Variants in TMEM232 observed in about 807,000 individuals in gnomAD.
TMEM232 encodes transmembrane protein 232.
TMEM232 carries 80 observed loss-of-function variants against 78.8 expected under a neutral mutation model. The observed-to-expected ratio is 1.01, with a 90% CI of 0.85 to 1.22. The LOEUF (loss-of-function observed/expected upper bound fraction) is 1.22, where lower values mean the gene tolerates loss of function less well. Ranked by LOEUF, TMEM232 falls within the 50% of genes most tolerant of loss-of-function variation. TMEM232 has a pLI of 0.00. For missense variants in TMEM232, 881 were observed against 742.2 expected (o/e 1.19, Z -2.17); for synonymous variants, 297 against 254.3 (o/e 1.17, Z -1.60).
At chr5:110,626,225 A>G (rs775551635) in intron 6 of TMEM232, among the ~76,000 whole-genome samples, 3 of 152,044 alleles carry the variant, frequency 2.0e-5, no homozygotes, top group Non-Finnish European at 2.9e-5. Context: ...ATAACAATCT[A>G]ATATGAGAAC....
At chr5:110,502,097 AG>A in intron 12 of TMEM232, among the ~76,000 whole-genome samples, 1 of 152,228 alleles carries the variant, frequency 6.6e-6, no homozygotes, top group Non-Finnish European at 1.5e-5. Context: ...TCCTCCATAG[AG>A]TATGTGTGTG....
At chr5:110,586,280 A>C (rs1778808715) in intron 10 of TMEM232, among the ~76,000 whole-genome samples, 1 of 151,714 alleles carries the variant, frequency 6.6e-6, no homozygotes. Flanking sequence ...TTTCTGTATA[A>C]ATTTTCCAAT....
intron 10 of TMEM232, among the ~76,000 whole-genome samples, chr5:110,589,577 A>C (rs1209320483): frequency 6.6e-6 from 1 of 152,158 alleles, no homozygotes; most frequent in African/African-American, 2.4e-5. Context: ...GCCTTCATTC[A>C]GTCTCAAATG....
At chr5:110,681,892 C>A (rs541560976) in intron 1 of TMEM232, among the ~76,000 whole-genome samples, 1 of 152,182 alleles carries the variant, frequency 6.6e-6, no homozygotes, top group South Asian at 2.1e-4. Flanking sequence ...ATGCATAGAG[C>A]ATGTTGACTT....
chr5:110,641,094 T>C, intron 3 of TMEM232, 98 bp from the exon 4 acceptor site: 2 of 714,020 alleles, frequency 2.8e-6, no homozygotes, highest in Non-Finnish European at 4.1e-6. Context: ...AGTCATTCTA[T>C]GAAGCTAATG....
At chr5:110,676,240 G>A (rs529075840) in intron 1 of TMEM232, among the ~76,000 whole-genome samples, 1 of 152,164 alleles carries the variant, frequency 6.6e-6, no homozygotes. Flanking sequence ...TGGGAGTGCA[G>A]ATGTCTCTTT....
At chr5:110,719,195 ATGTATATATATG>A (rs1797331481) in intron 1 of TMEM232, among the ~76,000 whole-genome samples, 1 of 151,854 alleles carries the variant, frequency 6.6e-6, no homozygotes, top group Non-Finnish European at 1.5e-5. Flanking sequence ...ACATGTATAT[ATGTATATATATG>A]TGTATATATG....
chr5:110,629,050 C>T (rs1223245233), intron 5 of TMEM232: 1 of 151,832 alleles, frequency 6.6e-6, no homozygotes, highest in Non-Finnish European at 1.5e-5. Flanking sequence ...TATAAGGCAA[C>T]AACTTTGTTG....
chr5:110,491,882 T>C (rs922767252), intron 12 of TMEM232, among the ~76,000 whole-genome samples: 2 of 151,762 alleles, frequency 1.3e-5, no homozygotes, highest in African/African-American at 4.8e-5. Context: ...TAATAGAGAT[T>C]AAAATAAATT....
chr5:110,480,786 A>C (rs1052438800), intron 12 of TMEM232, among the ~76,000 whole-genome samples: 9 of 152,120 alleles, frequency 5.9e-5, no homozygotes, highest in African/African-American at 2.2e-4. Flanking sequence ...AGTATCAGTC[A>C]AAATAAATAC....
chr5:110,665,471 T>C (rs1580573902), intron 2 of TMEM232, among the ~76,000 whole-genome samples: 1 of 151,868 alleles, frequency 6.6e-6, no homozygotes, highest in East Asian at 1.9e-4. Context: ...CCACAGGAAA[T>C]TTACAATCAT....
chr5:110,690,780 A>T (rs937023337), intron 1 of TMEM232, among the ~76,000 whole-genome samples: 5 of 152,324 alleles, frequency 3.3e-5, no homozygotes, highest in African/African-American at 1.2e-4. Flanking sequence ...TACACCATGG[A>T]ATACTATGCA....
At chr5:110,597,004 G>A (rs1182838390) in intron 10 of TMEM232, among the ~76,000 whole-genome samples, 1 of 152,162 alleles carries the variant, frequency 6.6e-6, no homozygotes, top group Non-Finnish European at 1.5e-5. Context: ...AGTGTTGGAA[G>A]TTCTGGCCAG....
chr5:110,507,506 G>C (rs1030981169), intron 12 of TMEM232, among the ~76,000 whole-genome samples: 8 of 152,168 alleles, frequency 5.3e-5, no homozygotes, highest in African/African-American at 1.9e-4. Flanking sequence ...TGGCTAAAAT[G>C]CCTCAGAAGC....
chr5:110,634,385 A>G (rs886676447), intron 5 of TMEM232, among the ~76,000 whole-genome samples: 1 of 152,096 alleles, frequency 6.6e-6, no homozygotes, highest in Admixed American at 6.6e-5. Flanking sequence ...CAACACAACA[A>G]TAGGATGCAC....
At chr5:110,513,347 G>T (rs938405871) in intron 12 of TMEM232, among the ~76,000 whole-genome samples, 5 of 152,108 alleles carry the variant, frequency 3.3e-5, no homozygotes, top group African/African-American at 1.2e-4. Flanking sequence ...ACAGAGTGAA[G>T]AGATAAGCTA....
intron 5 of TMEM232, among the ~76,000 whole-genome samples, chr5:110,629,585 C>T (rs1395293614): frequency 6.6e-6 from 1 of 152,038 alleles, no homozygotes; most frequent in Non-Finnish European, 1.5e-5. Flanking sequence ...TTCTCTTTCT[C>T]AGCTCTCCCA....
intron 12 of TMEM232, among the ~76,000 whole-genome samples, chr5:110,444,251 C>G (rs190014602): frequency 6.6e-6 from 1 of 152,228 alleles, no homozygotes; most frequent in East Asian, 1.9e-4. Flanking sequence ...TTGTTCTTAC[C>G]TCTGAGATGA....
downstream of TMEM232, chr5:110,417,991 T>A (rs1292881051): frequency 6.6e-6 from 1 of 152,160 alleles, no homozygotes; most frequent in African/African-American, 2.4e-5. Flanking sequence ...GTACCAGCAA[T>A]AACTGGGCAA....
Sources: gnomAD v4.1 joint callset for allele counts (sites outside exome capture counted in the v4.1 genomes callset) on GRCh38, gnomAD v4.1.1 for gene constraint, MANE v1.5 for transcripts, NCBI Gene and HGNC (gene_info 2026-07-23, HGNC 2026-07-21) for gene names.